Variants in DRC5 observed in about 807,000 individuals in gnomAD.
The protein encoded by DRC5 is dynein regulatory complex subunit 5, also known as T-complex-associated testis-expressed protein 1.
At chr6:44,287,141 G>A in the DRC5 span, 9 of 958,790 alleles carry the variant, frequency 9.4e-6, no homozygotes, top group Non-Finnish European at 1.1e-5. Flanking sequence ...TCTTTGGAAA[G>A]GATCAATATT....
At chr6:44,294,545 G>A in the DRC5 span, among the ~76,000 whole-genome samples, 1 of 151,222 alleles carries the variant, frequency 6.6e-6, no homozygotes, top group African/African-American at 2.4e-5. Context: ...AAGAGTTCAA[G>A]ACCAGCCTGA....
the DRC5 span, chr6:44,286,421 T>G: frequency 1.2e-6 from 2 of 1,614,186 alleles, no homozygotes; most frequent in Non-Finnish European, 1.7e-6. Context: ...GCGGAGCCAG[T>G]AGTTCTCACT....
chr6:44,282,486 G>T, the DRC5 span: 69 of 1,610,236 alleles, frequency 4.3e-5, no homozygotes, highest in African/African-American at 8.7e-4. Context: ...CTCGAGGACT[G>T]GGTGGTCCAG....
At chr6:44,294,772 C>CAAAAAA in the DRC5 span, among the ~76,000 whole-genome samples, 34 of 88,038 alleles carry the variant, frequency 3.9e-4, no homozygotes, top group South Asian at 9.4e-4. Context: ...AACTCTGTCT[C>CAAAAAA]AAAAAAAAAA....
chr6:44,285,333 T>TTC, the DRC5 span, among the ~76,000 whole-genome samples: 1 of 152,224 alleles, frequency 6.6e-6, no homozygotes, highest in South Asian at 2.1e-4. Flanking sequence ...TTCAGATAAA[T>TTC]AAGAACGCCC....
chr6:44,289,362 A>C, the DRC5 span, among the ~76,000 whole-genome samples: 6 of 152,158 alleles, frequency 3.9e-5, no homozygotes, highest in Non-Finnish European at 5.9e-5. Flanking sequence ...TATTTAGCCC[A>C]GTATGTCTAA....
At chr6:44,280,097 G>A in the DRC5 span, 124 of 1,276,074 alleles carry the variant, frequency 9.7e-5, no homozygotes, top group East Asian at 2.7e-3. Flanking sequence ...CGCTCCCTCT[G>A]AACCAGTGTG....
At chr6:44,278,996 C>G in the DRC5 span, 1 of 152,246 alleles carries the variant, frequency 6.6e-6, no homozygotes, top group African/African-American at 2.4e-5. Flanking sequence ...CACTCCCAAG[C>G]CCCCTTTGGT....
the DRC5 span, among the ~76,000 whole-genome samples, chr6:44,296,360 G>A: frequency 1.3e-5 from 2 of 152,218 alleles, no homozygotes; most frequent in Non-Finnish European, 2.9e-5. Context: ...GGGTATAGGA[G>A]ACTTCCGCAA....
chr6:44,282,458 T>C, the DRC5 span: 7 of 1,613,108 alleles, frequency 4.3e-6, no homozygotes, highest in East Asian at 1.3e-4. Context: ...CAATGAGGTT[T>C]TGTGACAAGT....
chr6:44,290,160 G>A, the DRC5 span, among the ~76,000 whole-genome samples: 1 of 152,182 alleles, frequency 6.6e-6, no homozygotes, highest in African/African-American at 2.4e-5. Flanking sequence ...TTGACTAATG[G>A]CATCTCAGAG....
the DRC5 span, chr6:44,282,160 T>C: frequency 1.9e-6 from 3 of 1,614,200 alleles, no homozygotes; most frequent in Non-Finnish European, 2.5e-6. Context: ...GTGGTGTTGA[T>C]GGCGAGCACC....
the DRC5 span, among the ~76,000 whole-genome samples, chr6:44,280,720 C>T: frequency 6.6e-6 from 1 of 152,210 alleles, no homozygotes; most frequent in Admixed American, 6.5e-5. Context: ...TTCTGGGAAG[C>T]TTCTCCTCAT....
At chr6:44,290,050 C>T in the DRC5 span, among the ~76,000 whole-genome samples, 2 of 152,118 alleles carry the variant, frequency 1.3e-5, no homozygotes, top group African/African-American at 4.8e-5. Context: ...AGAGATAGTG[C>T]GGGAAAGATA....
the DRC5 span, among the ~76,000 whole-genome samples, chr6:44,283,529 T>C: frequency 2.0e-5 from 3 of 152,322 alleles, no homozygotes; most frequent in African/African-American, 7.2e-5. Context: ...CTGGCCTCTC[T>C]CTCTCTACCC....
chr6:44,288,762 C>T, the DRC5 span, among the ~76,000 whole-genome samples: 22 of 152,064 alleles, frequency 1.4e-4, no homozygotes, highest in East Asian at 3.9e-4. Flanking sequence ...GGGAGGCCAA[C>T]GTGGGTGGGT....
At chr6:44,295,950 T>G in the DRC5 span, among the ~76,000 whole-genome samples, 6 of 152,216 alleles carry the variant, frequency 3.9e-5, no homozygotes, top group African/African-American at 1.4e-4. Flanking sequence ...GAGCCAGCAC[T>G]CAAGATGTGT....
chr6:44,278,778 G>A, the DRC5 span: 1 of 152,094 alleles, frequency 6.6e-6, no homozygotes, highest in Admixed American at 6.5e-5. Context: ...CAGGGAAAAT[G>A]AAAACCAGAA....
At chr6:44,285,224 C>G in the DRC5 span, among the ~76,000 whole-genome samples, 1 of 152,244 alleles carries the variant, frequency 6.6e-6, no homozygotes, top group East Asian at 1.9e-4. Context: ...AGGTCAAATG[C>G]TCCTTTACAA....
Sources: gnomAD v4.1 joint callset for allele counts (sites outside exome capture counted in the v4.1 genomes callset) on GRCh38, gnomAD v4.1.1 for gene constraint, MANE v1.5 for transcripts, NCBI Gene and HGNC (gene_info 2026-07-23, HGNC 2026-07-21) for gene names.